The following CCNL1 variants were observed in gnomAD, a reference collection of about 807,000 sequenced individuals.
CCNL1 encodes cyclin-L1.
CCNL1 carries 13 observed loss-of-function variants against 60.6 expected under a neutral mutation model. That is an observed-to-expected ratio of 0.21 (90% confidence interval 0.14 to 0.34). The LOEUF (loss-of-function observed/expected upper bound fraction) is 0.34. Among genes scored for constraint, CCNL1 ranks in the 10% least tolerant of loss-of-function variants. The pLI is 1.00. For missense variants in CCNL1, 481 were observed against 664.3 expected (o/e 0.72, Z 3.03); for synonymous variants, 270 against 244.3 (o/e 1.10, Z -0.98).
chr3:157,159,650 G>A, intron 1 of CCNL1, 142 bp downstream of exon 1: 1 of 1,018,924 alleles, frequency 9.8e-7, no homozygotes, highest in South Asian at 1.7e-5. Flanking sequence ...GCCCCGGCAC[G>A]CCCCGGCCGC....
Position 157,150,341 on chromosome 3 carries a change from G to T in CCNL1, c.715C>A (p.Arg239=), listed in dbSNP as rs775724591. The T allele has an allele frequency of 6.2e-7, 1 of 1,613,880 alleles. No homozygotes were observed. The highest frequency in any genetic ancestry group is 1.7e-5 in the Admixed American group (1 of 59,998). The change falls in exon 6 of 11, where the codon CGA becomes AGA. Residue 239 remains arginine, a synonymous_variant. Transcript: ENST00000295926. ...NDSLRTNVFV[R]FQPETIACAC... ...CATGCTATAGTCTCTGGTTGAAATC[G>T]AACAAACACATTGGTTCGAAGACTG...
intron 3 of CCNL1, chr3:157,156,994 T>C (rs1414853553): frequency 7.8e-7 from 1 of 1,289,724 alleles, no homozygotes; most frequent in East Asian, 5.5e-5. Flanking sequence ...CTTGGGGATT[T>C]TCGATACTTC....
At chr3:157,156,345 C>T (rs1246915883) in intron 3 of CCNL1, among the ~76,000 whole-genome samples, 2 of 152,180 alleles carry the variant, frequency 1.3e-5, no homozygotes, top group Admixed American at 6.5e-5. Context: ...AACACCCTTC[C>T]AATTCTTACC....
chr3:157,149,608 T>C lies in CCNL1; in HGVS notation c.1022-12A>G. 1 of 1,605,732 alleles carries C rather than the reference T, an allele frequency of 6.2e-7. No individual in the cohort carries two copies. Among genetic ancestry groups the C allele is most frequent in the Non-Finnish European group, 8.5e-7 (1 of 1,174,690 alleles). On this transcript the variant is annotated splice_polypyrimidine_tract_variant and intron_variant, in intron 8 of 10. Transcript: ENST00000295926. ...TTCTCTTGGTGATGCTTTTAAAAGATATAATAACAACATGTTAACTACTGG... is the reference window on the plus strand; with the variant it reads ...TTCTCTTGGTGATGCTTTTAAAAGACATAATAACAACATGTTAACTACTGG...
intron 5 of CCNL1, chr3:157,151,759 C>T: frequency 9.8e-7 from 1 of 1,019,604 alleles, no homozygotes; most frequent in Non-Finnish European, 1.2e-6. Context: ...ATCCTTTTGA[C>T]ACCCCGACAG....
At chr3:157,154,588 A>G (rs1385327940) in intron 3 of CCNL1, 1 of 152,230 alleles carries the variant, frequency 6.6e-6, no homozygotes, top group African/African-American at 2.4e-5. Flanking sequence ...ACAATCTGCG[A>G]TGAACTTCAT....
Position 157,149,383 on chromosome 3 carries a change from A to G in CCNL1, c.1136T>C (p.Val379Ala). 1 of 1,613,774 alleles carries G rather than the reference A, an allele frequency of 6.2e-7. No individual in the cohort carries two copies. Among genetic ancestry groups the G allele is most frequent in the Non-Finnish European group, 8.5e-7 (1 of 1,179,742 alleles). ...QQASKSPYNG[V>A]RKDSKRSRNS... The stretch of plus-strand genomic sequence containing the variant: ...TCTACTTCTCTTGCTGTCTTTTCTT[A>G]CACTTCAAAAAATCATGACATATTA... Residue 379 changes from valine (V) to alanine (A), a missense_variant and splice_region_variant, in exon 10 of 11, where the codon GTA (valine) becomes GCA (alanine). Coordinates refer to ENST00000295926, the MANE Select transcript of CCNL1 (RefSeq NM_020307.4).
chr3:157,146,669 T>G (rs905421936), downstream of CCNL1: 4 of 369,692 alleles, frequency 1.1e-5, no homozygotes, highest in African/African-American at 8.7e-5. Context: ...ACAGGGCCTT[T>G]GCTGACATTT....
At chr3:157,157,200 G>C (rs374577458) in intron 3 of CCNL1, 5 of 928,366 alleles carry the variant, frequency 5.4e-6, no homozygotes, top group East Asian at 6.2e-5. Context: ...TTAAAAAAAG[G>C]CTTCCATGCA....
intron 3 of CCNL1, among the ~76,000 whole-genome samples, chr3:157,158,465 C>T (rs1738797350): frequency 6.6e-6 from 1 of 152,224 alleles, no homozygotes; most frequent in African/African-American, 2.4e-5. Context: ...ATAATCTACA[C>T]AGAACTTTGC....
At chr3:157,154,370 A>C (rs1482237454) in intron 3 of CCNL1, 1 of 152,182 alleles carries the variant, frequency 6.6e-6, no homozygotes, top group Admixed American at 6.5e-5. Context: ...TTATACGGTA[A>C]GTTTACAAGT....
At chr3:157,159,152 T>C in intron 2 of CCNL1, 177 bp from the exon 3 acceptor site, 2 of 631,776 alleles carry the variant, frequency 3.2e-6, no homozygotes, top group Non-Finnish European at 5.5e-6. Flanking sequence ...TTAATTTTGG[T>C]TCCAGAGTCA....
chr3:157,145,437 C>CAAAAAAAAAAAAAAAAAAAAAAAAAAAA (rs56894231), downstream of CCNL1, among the ~76,000 whole-genome samples: 4 of 24,268 alleles, frequency 1.6e-4, no homozygotes, highest in Non-Finnish European at 2.3e-4. Context: ...GACTTCATCT[C>CAAAAAAAAAAAAAAAAAAAAAAAAAAAA]AAAAAAAAAA....
chr3:157,146,641 A>G (rs897980131), downstream of CCNL1: 11 of 386,790 alleles, frequency 2.8e-5, no homozygotes, highest in African/African-American at 2.2e-4. Flanking sequence ...AAAAAAAAAA[A>G]TCAACATTAA....
In CCNL1 at chr3:157,159,930, G is replaced by A; in HGVS notation, c.165C>T (p.Asp55=). 6.2e-7 allele frequency: 1 copy of A among 1,606,532 alleles called. No homozygotes were observed. ...GCCTCTCCTCCGGAATCAGAGAGTGGTCGATGGTAAGTGAAACTTCCGAGT... is the reference window on the plus strand; with the variant it reads ...GCCTCTCCTCCGGAATCAGAGAGTGATCGATGGTAAGTGAAACTTCCGAGT... The part of the protein sequence containing the change: ...RLYSEVSLTI[D]HSLIPEERLS... The change falls in exon 1 of 11, where the codon GAC becomes GAT. Residue 55 remains aspartate, a synonymous_variant. Transcript: ENST00000295926.
chr3:157,147,694 T>C lies in CCNL1; in HGVS notation c.*547A>G. ...GCATTTTAATAATCTCAAACTACCATCTAATGGAGGAAAGAATAAGTTTGT... is the reference window on the plus strand; with the variant it reads ...GCATTTTAATAATCTCAAACTACCACCTAATGGAGGAAAGAATAAGTTTGT... On this transcript the variant is annotated 3_prime_UTR_variant, in exon 11 of 11. Coordinates refer to ENST00000295926, the MANE Select transcript of CCNL1 (RefSeq NM_020307.4). 2.0e-6 allele frequency: 2 copies of C among 985,242 alleles called. No homozygotes were observed. The highest frequency in any genetic ancestry group is 1.7e-5 in the African/African-American group (1 of 57,360). 61.0% of individuals were successfully genotyped at this position (985,242 alleles called of 1,614,324 possible). A position where few individuals can be genotyped will look rare whatever the true frequency, so the allele number is the denominator to read the frequency against.
Position 157,148,445 on chromosome 3 carries a change from A to C in CCNL1, c.1377T>G (p.Ser459Arg), listed in dbSNP as rs1363086403. ...TCCTTTTATGACCATGTCTGTTTGA[A>C]CTTTTTAAATCATCTCTGGTATGCT... is the stretch of plus-strand genomic sequence containing the variant. ...KAKHTRDDLK[S>R]SNRHGHKRKK... The change falls in exon 11 of 11, where the codon AGT (serine) becomes AGG (arginine). Residue 459 changes from serine to arginine, a missense_variant. Around this residue, in one of 5 missense-constraint regions of CCNL1, gnomAD observed 197 missense variants for 233.9 expected, o/e 0.84. Transcript: ENST00000295926. 6.2e-7 allele frequency: 1 copy of C among 1,614,042 alleles called. No homozygotes were observed. The highest frequency in any genetic ancestry group is 1.1e-5 in the South Asian group (1 of 91,074).
chr3:157,145,981 CAG>C (rs1737773496), downstream of CCNL1, among the ~76,000 whole-genome samples: 1 of 152,156 alleles, frequency 6.6e-6, no homozygotes, highest in Non-Finnish European at 1.5e-5. Flanking sequence ...TGGATACTGA[CAG>C]GGGTAGTATG....
chr3:157,151,316 G>T lies in CCNL1; in HGVS notation c.674+861C>A, dbSNP rs996774274. On this transcript the variant is annotated intron_variant, in intron 5 of 10. Transcript: ENST00000295926. ...AAGTCCTTCACATCAATAGTCTTAG[G>T]AAACAGTAGTTGTGGCTGAACCACA... 4 of 985,610 alleles carry T rather than the reference G, an allele frequency of 4.1e-6. No homozygotes were observed. In the Admixed American group the frequency reaches 2.5e-4, roughly 61 times the overall value. 61.1% of individuals were successfully genotyped at this position (985,610 alleles called of 1,614,324 possible).
Sources: gnomAD v4.1 joint callset for allele counts (sites outside exome capture counted in the v4.1 genomes callset) on GRCh38, gnomAD v4.1.1 for gene constraint, gnomAD v4.1.1 regional missense constraint, MANE v1.5 for transcripts, NCBI Gene and HGNC (gene_info 2026-07-23, HGNC 2026-07-21) for gene names.